ASTN1: variants seen among roughly 807,000 people sequenced by gnomAD.
ASTN1 encodes the protein astrotactin 1, also known as astrotactin-1.
ASTN1 carries 41 observed loss-of-function variants against 140.7 expected under a neutral mutation model. That is an observed-to-expected ratio of 0.29 (90% CI 0.23 to 0.38). ASTN1 has a LOEUF of 0.38. Ranked by LOEUF, ASTN1 falls within the 10% of genes least tolerant of loss-of-function variation. The pLI is 1.00. For missense variants in ASTN1, 1,479 were observed against 1,678.8 expected, an observed-to-expected ratio of 0.88 and a Z score of 2.08; for synonymous variants, 640 against 652.2, an observed-to-expected ratio of 0.98 and a Z score of 0.29.
intron 2 of ASTN1, among the ~76,000 whole-genome samples, chr1:177,051,837 G>A (rs546213182): frequency 6.6e-6 from 1 of 152,252 alleles, no homozygotes; most frequent in East Asian, 1.9e-4. Flanking sequence ...CATTGTGAAT[G>A]AGAGTAATAA....
intron 8 of ASTN1, chr1:176,976,757 A>G (rs940151139): frequency 2.0e-5 from 3 of 152,202 alleles, no homozygotes; most frequent in Admixed American, 1.3e-4. Flanking sequence ...TCATATAGCC[A>G]AGGTCTCAAG....
intron 8 of ASTN1, among the ~76,000 whole-genome samples, chr1:176,968,184 T>C (rs1672965166): frequency 6.6e-6 from 1 of 152,332 alleles, no homozygotes; most frequent in African/African-American, 2.4e-5. Context: ...GACAAAGTTG[T>C]TATGAGGAGG....
At chr1:177,115,695 T>G (rs1009885549) in intron 1 of ASTN1, among the ~76,000 whole-genome samples, 5 of 151,378 alleles carry the variant, frequency 3.3e-5, no homozygotes, top group Non-Finnish European at 5.9e-5. Flanking sequence ...AATAAATAAA[T>G]AAATGTCATG....
At chr1:177,084,225 C>T (rs540164844) in intron 1 of ASTN1, among the ~76,000 whole-genome samples, 1 of 152,228 alleles carries the variant, frequency 6.6e-6, no homozygotes, top group South Asian at 2.1e-4. Context: ...TACCACAGTT[C>T]GGACTTGGGA....
intron 1 of ASTN1, among the ~76,000 whole-genome samples, chr1:177,102,898 C>G (rs985757569): frequency 6.6e-6 from 1 of 152,162 alleles, no homozygotes; most frequent in Non-Finnish European, 1.5e-5. Flanking sequence ...AACCACAAAC[C>G]AGATATATTG....
intron 1 of ASTN1, among the ~76,000 whole-genome samples, chr1:177,124,356 C>T (rs1393015543): frequency 6.6e-6 from 1 of 152,166 alleles, no homozygotes. Context: ...GCATTTGAGG[C>T]CAAATTATTC....
intron 1 of ASTN1, among the ~76,000 whole-genome samples, chr1:177,061,492 T>C (rs966266116): frequency 6.6e-6 from 1 of 152,172 alleles, no homozygotes; most frequent in African/African-American, 2.4e-5. Flanking sequence ...ATAAATCTAG[T>C]GAACCAGGCT....
intron 12 of ASTN1, among the ~76,000 whole-genome samples, chr1:176,946,504 G>A (rs78021153): frequency 5.2e-4 from 79 of 152,194 alleles, no homozygotes; most frequent in Non-Finnish European, 8.8e-4. Context: ...CCATCTACAT[G>A]GTCAGACCCT....
At chr1:176,958,518 G>A (rs759036386) in intron 9 of ASTN1, 36 bp from the exon 10 acceptor site, 1 of 1,579,460 alleles carries the variant, frequency 6.3e-7, no homozygotes, top group South Asian at 1.2e-5. Flanking sequence ...GTCATGACTG[G>A]GGGCATAACC....
intron 18 of ASTN1, among the ~76,000 whole-genome samples, chr1:176,885,032 C>T (rs985740993): frequency 1.3e-5 from 2 of 152,188 alleles, no homozygotes; most frequent in African/African-American, 4.8e-5. Flanking sequence ...ATCCTTTTCT[C>T]CAGGCCATCT....
chr1:177,121,506 A>C (rs1279688383), intron 1 of ASTN1, among the ~76,000 whole-genome samples: 1 of 152,048 alleles, frequency 6.6e-6, no homozygotes, highest in Non-Finnish European at 1.5e-5. Context: ...TGAGAATCCT[A>C]TAGGTTTCTC....
At chr1:177,088,802 A>T (rs894675398) in intron 1 of ASTN1, among the ~76,000 whole-genome samples, 1 of 152,182 alleles carries the variant, frequency 6.6e-6, no homozygotes, top group African/African-American at 2.4e-5. Flanking sequence ...TCCAATTCAT[A>T]TAAATATATG....
At chr1:176,946,774 C>G (rs1363670191) in intron 12 of ASTN1, among the ~76,000 whole-genome samples, 1 of 152,218 alleles carries the variant, frequency 6.6e-6, no homozygotes, top group Admixed American at 6.5e-5. Context: ...CCAACAACTG[C>G]TTCCTTGGCA....
At chr1:176,890,153 A>G (rs1425547357) in intron 17 of ASTN1, among the ~76,000 whole-genome samples, 2 of 152,210 alleles carry the variant, frequency 1.3e-5, no homozygotes, top group Non-Finnish European at 1.5e-5. Context: ...TTAAAGTCAG[A>G]TGACAAACAA....
chr1:176,936,213 A>G, intron 15 of ASTN1, 53 bp downstream of exon 15: 1 of 1,511,004 alleles, frequency 6.6e-7, no homozygotes, highest in African/African-American at 1.4e-5. Flanking sequence ...CCCCTTGGAA[A>G]GGACTTCTAA....
intron 8 of ASTN1, among the ~76,000 whole-genome samples, chr1:176,980,625 G>A (rs1298572690): frequency 1.1e-4 from 17 of 152,128 alleles, no homozygotes; most frequent in Admixed American, 7.2e-4. Context: ...AGCCAGAAAT[G>A]TGCCAATGGA....
In ASTN1 at chr1:177,028,544, T is replaced by A. The variant is rs373517429; in HGVS notation, c.1120+1090A>T. ...AAGTGGAGGTACGAGAGAATAAAAA[T>A]GTATATGTCTTTCAGGAGACACTGG... On this transcript the variant is annotated intron_variant, in intron 5 of 22. Transcript: ENST00000361833. Among the ~76,000 whole-genome samples, 9 of 152,320 alleles carry A rather than the reference T, an allele frequency of 5.9e-5. No homozygotes were observed. The South Asian group carries it at 1.9e-3, about 32-fold the overall frequency.
intron 13 of ASTN1, among the ~76,000 whole-genome samples, chr1:176,945,418 A>C (rs746640850): frequency 6.6e-6 from 1 of 152,378 alleles, no homozygotes; most frequent in African/African-American, 2.4e-5. Context: ...AATTTAAAAA[A>C]TATCTAACAA....
In ASTN1 at chr1:176,896,983, A is replaced by C. The variant is rs1028730184; in HGVS notation, c.2672-2153T>G. Reference sequence around the variant, plus strand: ...TGTCAGCAAACTCTACTTCATTAAGAAAGTAAGTAAAGGGCGGACGTGGTG... The same window carrying C: ...TGTCAGCAAACTCTACTTCATTAAGCAAGTAAGTAAAGGGCGGACGTGGTG... On this transcript the variant is annotated intron_variant, in intron 16 of 22. Coordinates refer to ENST00000361833, the MANE Select transcript of ASTN1 (RefSeq NM_004319.3). 2.0e-5 allele frequency among the ~76,000 whole-genome samples: 3 copies of C among 152,170 alleles called. No individual in the cohort carries two copies. In the East Asian group the frequency reaches 5.8e-4, roughly 29 times the overall value.
Sources: allele counts gnomAD v4.1 joint callset (sites outside exome capture counted in the v4.1 genomes callset), GRCh38; gene constraint gnomAD v4.1.1; transcripts MANE v1.5; gene names NCBI Gene and HGNC (gene_info 2026-07-23, HGNC 2026-07-21).